Variants in SAMD12 observed in about 807,000 individuals in gnomAD.
SAMD12 encodes sterile alpha motif domain containing 12, also known as sterile alpha motif domain-containing protein 12.
SAMD12 carries 9 observed loss-of-function variants against 15.0 expected under a neutral mutation model. The ratio of observed to expected loss-of-function variants is 0.60; its 90% CI spans 0.36 to 1.05. SAMD12 has a LOEUF of 1.05. SAMD12 is among the 50% of genes least tolerant of loss of function. The pLI is 0.01. For synonymous variants in SAMD12, 86 were observed against 90.1 expected (o/e 0.96, Z 0.25); for missense variants, 230 against 234.2 (o/e 0.98, Z 0.12).
chr8:118,536,463 C>T (rs1248265704), intron 2 of SAMD12, among the ~76,000 whole-genome samples: 1 of 151,648 alleles, frequency 6.6e-6, no homozygotes. Context: ...CACACACACA[C>T]ACACACACAC....
At chr8:118,410,586 G>T (rs1821361602) in intron 3 of SAMD12, among the ~76,000 whole-genome samples, 1 of 152,188 alleles carries the variant, frequency 6.6e-6, no homozygotes, top group African/African-American at 2.4e-5. Flanking sequence ...TACAGAAGAA[G>T]CTCAATTATC....
At chr8:118,158,767 G>T in the SAMD12 span, among the ~76,000 whole-genome samples, 3 of 152,188 alleles carry the variant, frequency 2.0e-5, no homozygotes, top group South Asian at 6.2e-4. Flanking sequence ...AAAACCACCA[G>T]ACTCAGCCAG....
At chr8:118,222,257 G>A (rs998873300) in intron 4 of SAMD12, among the ~76,000 whole-genome samples, 1 of 151,958 alleles carries the variant, frequency 6.6e-6, no homozygotes, top group Non-Finnish European at 1.5e-5. Context: ...ATTTGGTGTT[G>A]GATATGTATT....
chr8:118,185,836 G>T (rs915907356), downstream of SAMD12, among the ~76,000 whole-genome samples: 1 of 152,198 alleles, frequency 6.6e-6, no homozygotes, highest in Non-Finnish European at 1.5e-5. Context: ...TTAATAGAAA[G>T]TGGCAGGTTT....
intron 2 of SAMD12, among the ~76,000 whole-genome samples, chr8:118,556,974 G>A (rs982718782): frequency 3.6e-4 from 54 of 148,802 alleles, no homozygotes; most frequent in African/African-American, 1.2e-3. Context: ...AAAAAAAAAA[G>A]AAAGAAAGAA....
intron 4 of SAMD12, among the ~76,000 whole-genome samples, chr8:118,309,504 T>C (rs936998784): frequency 2.0e-4 from 30 of 152,150 alleles, no homozygotes; most frequent in African/African-American, 7.2e-4. Context: ...CTTACAAATA[T>C]GCATGTGCAA....
intron 4 of SAMD12, among the ~76,000 whole-genome samples, chr8:118,213,365 T>C (rs937240861): frequency 1.3e-5 from 2 of 152,180 alleles, no homozygotes; most frequent in South Asian, 4.1e-4. Context: ...CTAGTCGCCA[T>C]GCTGTGAATA....
chr8:118,269,230 GT>G (rs1563723591), intron 4 of SAMD12, among the ~76,000 whole-genome samples: 29 of 139,140 alleles, frequency 2.1e-4, no homozygotes, highest in Non-Finnish European at 3.8e-4. Context: ...CTGTGTGTGT[GT>G]GTGTGTGTGT....
chr8:118,607,390 G>A (rs534545683), intron 1 of SAMD12, among the ~76,000 whole-genome samples: 14 of 151,856 alleles, frequency 9.2e-5, no homozygotes, highest in African/African-American at 2.7e-4. Context: ...CATGTGCCAC[G>A]ACGCCCAGCT....
intron 4 of SAMD12, among the ~76,000 whole-genome samples, chr8:118,269,441 C>T (rs1813292237): frequency 1.3e-5 from 2 of 151,860 alleles, no homozygotes; most frequent in African/African-American, 4.8e-5. Context: ...AAAATGAGGC[C>T]CATTCTGCTT....
intron 2 of SAMD12, among the ~76,000 whole-genome samples, chr8:118,580,317 G>A (rs575577478): frequency 3.9e-5 from 6 of 152,190 alleles, no homozygotes; most frequent in South Asian, 2.1e-4. Flanking sequence ...GCATACAATC[G>A]TTTGATCTGC....
intron 2 of SAMD12, among the ~76,000 whole-genome samples, chr8:118,555,134 G>C (rs1826487214): frequency 6.6e-6 from 1 of 152,198 alleles, no homozygotes; most frequent in African/African-American, 2.4e-5. Context: ...TTGGTTAGCA[G>C]AGCAAATGTG....
the SAMD12 span, among the ~76,000 whole-genome samples, chr8:118,158,434 C>T: frequency 1.3e-5 from 2 of 152,200 alleles, no homozygotes; most frequent in Non-Finnish European, 1.5e-5. Flanking sequence ...GAGCTGGGGA[C>T]AGGTGGAAGT....
chr8:118,422,548 T>C (rs907967899), intron 3 of SAMD12, among the ~76,000 whole-genome samples: 37 of 152,194 alleles, frequency 2.4e-4, no homozygotes, highest in African/African-American at 8.7e-4. Context: ...ACAGGATGGA[T>C]TGTTGTAATG....
intron 2 of SAMD12, among the ~76,000 whole-genome samples, chr8:118,543,570 C>T (rs1037953593): frequency 6.6e-6 from 1 of 151,606 alleles, no homozygotes; most frequent in African/African-American, 2.4e-5. Context: ...TGTGGCCTAA[C>T]ACAAATTCAT....
chr8:118,593,902 G>A (rs1202599634), intron 1 of SAMD12, among the ~76,000 whole-genome samples: 1 of 152,146 alleles, frequency 6.6e-6, no homozygotes, highest in Non-Finnish European at 1.5e-5. Flanking sequence ...TTAATAAACA[G>A]CCTTCATAAC....
At chr8:118,132,840 A>G in the SAMD12 span, among the ~76,000 whole-genome samples, 1 of 151,216 alleles carries the variant, frequency 6.6e-6, no homozygotes, top group Non-Finnish European at 1.5e-5. Context: ...TTATTACCCA[A>G]ACTATAGTAT....
At chr8:118,528,939 G>A (rs954072249) in intron 2 of SAMD12, among the ~76,000 whole-genome samples, 3 of 152,180 alleles carry the variant, frequency 2.0e-5, no homozygotes, top group Middle Eastern at 3.4e-3. Flanking sequence ...GGCCACCCCC[G>A]CCGTAAGGCA....
chr8:118,592,666 ATAT>A (rs1827612560), intron 1 of SAMD12, among the ~76,000 whole-genome samples: 1 of 150,788 alleles, frequency 6.6e-6, no homozygotes, highest in South Asian at 2.1e-4. Flanking sequence ...ACTGTTATTA[ATAT>A]TATTTTAATG....
Sources: gnomAD v4.1 joint callset for allele counts (sites outside exome capture counted in the v4.1 genomes callset) on GRCh38, gnomAD v4.1.1 for gene constraint, MANE v1.5 for transcripts, NCBI Gene and HGNC (gene_info 2026-07-23, HGNC 2026-07-21) for gene names.